Variants in ETFA observed in about 807,000 individuals in gnomAD.
The protein encoded by ETFA is electron transfer flavoprotein subunit alpha, mitochondrial.
A neutral mutation model predicts 46.2 loss-of-function variants in ETFA; 22 were observed. The observed-to-expected ratio is 0.48, with a 90% CI of 0.34 to 0.68. ETFA has a LOEUF of 0.68. ETFA is among the 30% of genes least tolerant of loss of function. ETFA has a pLI of 0.01. For missense variants in ETFA, 345 were observed against 401.1 expected (o/e 0.86, Z 1.19); for synonymous variants, 131 against 139.9 (o/e 0.94, Z 0.45).
rs546899526 is a variant in ETFA, at chr15:76,311,265, G to C, written c.39+85C>G. Reference sequence around the variant, plus strand: ...GCGCGAGGGCTGGTCGAATCTGAGGGGGCCAGTGATCTTTGCAAGACCCCA... The same window carrying C: ...GCGCGAGGGCTGGTCGAATCTGAGGCGGCCAGTGATCTTTGCAAGACCCCA... On this transcript the variant is annotated intron_variant, in intron 1 of 11. Coordinates refer to ENST00000557943, the MANE Select transcript of ETFA (RefSeq NM_000126.4). 0.025 allele frequency: 36,056 copies of C among 1,457,584 alleles called. 609 individuals carry two copies. Among genetic ancestry groups the C allele is most frequent in the South Asian group, 0.036 (2,899 of 81,576 alleles). 90.3% of individuals were successfully genotyped at this position (1,457,584 alleles called of 1,614,324 possible). A position where few individuals can be genotyped will look rare whatever the true frequency, so the allele number is the denominator to read the frequency against.
chr15:76,219,615 A>C (rs1478358043), intron 11 of ETFA, among the ~76,000 whole-genome samples: 1 of 152,256 alleles, frequency 6.6e-6, no homozygotes, highest in African/African-American at 2.4e-5. Flanking sequence ...TAAAGAATTC[A>C]CACAAGTCAA....
intron 4 of ETFA, among the ~76,000 whole-genome samples, chr15:76,288,201 T>C (rs1360940802): frequency 6.6e-6 from 1 of 152,134 alleles, no homozygotes; most frequent in Non-Finnish European, 1.5e-5. Flanking sequence ...ATGCAATATA[T>C]TGAACTATGA....
chr15:76,235,266 T>C (rs949477598), intron 9 of ETFA, among the ~76,000 whole-genome samples: 1 of 152,184 alleles, frequency 6.6e-6, no homozygotes, highest in Admixed American at 6.5e-5. Context: ...CTCAGCCCAC[T>C]AGGTGGCCAG....
intron 9 of ETFA, among the ~76,000 whole-genome samples, chr15:76,237,011 G>C (rs150237791): frequency 6.6e-6 from 1 of 152,306 alleles, no homozygotes; most frequent in East Asian, 1.9e-4. Context: ...AAAAAAGGAA[G>C]GGTATATCAG....
intron 1 of ETFA, among the ~76,000 whole-genome samples, chr15:76,304,860 T>C (rs923658580): frequency 2.2e-4 from 34 of 151,894 alleles, no homozygotes; most frequent in Non-Finnish European, 3.5e-4. Context: ...CTGGCTAACA[T>C]GGTGAAACCC....
rs573806958 is a variant in ETFA, at chr15:76,291,505, C to G, written c.351+926G>C. ...GTGGCTCACGCCTGTAATCCCAGTA[C>G]TTTGGGGGGCCGAGGCGGGCGGATC... On this transcript the variant is annotated intron_variant, in intron 4 of 11. Coordinates refer to ENST00000557943, the MANE Select transcript of ETFA (RefSeq NM_000126.4). Among the ~76,000 whole-genome samples, 767 of 143,640 alleles carry G rather than the reference C, an allele frequency of 5.3e-3. 3 individuals carry two copies. The highest frequency in any genetic ancestry group is 9.1e-3 in the Non-Finnish European group (605 of 66,732). 94.2% of individuals were successfully genotyped at this position (143,640 alleles called of 152,430 possible). A position where few individuals can be genotyped will look rare whatever the true frequency, so the allele number is the denominator to read the frequency against.
chr15:76,299,566 A>C (rs2039860791), intron 1 of ETFA, among the ~76,000 whole-genome samples: 1 of 152,120 alleles, frequency 6.6e-6, no homozygotes, highest in Non-Finnish European at 1.5e-5. Context: ...TACAGGCATG[A>C]GCCACTGTGC....
Position 76,216,279 on chromosome 15 carries a change from T to G in ETFA, c.*280A>C. ...CTTTTCTTCAATTTTCTCTAGAGGC[T>G]AGGCATATTTCTGATAGTTTTAAAG... On this transcript the variant is annotated 3_prime_UTR_variant, in exon 12 of 12. Transcript: ENST00000557943. 1 of 343,528 alleles carries G rather than the reference T, an allele frequency of 2.9e-6. No individual in the cohort carries two copies. The highest frequency in any genetic ancestry group is 5.2e-6 in the Non-Finnish European group (1 of 190,910). The allele number at this position is 343,528 out of a possible 1,614,324, so 21.3% of individuals were successfully genotyped here. A position where few individuals can be genotyped will look rare whatever the true frequency, so the allele number is the denominator to read the frequency against.
intron 9 of ETFA, among the ~76,000 whole-genome samples, chr15:76,237,204 C>T (rs1294466160): frequency 6.6e-6 from 1 of 152,114 alleles, no homozygotes; most frequent in African/African-American, 2.4e-5. Flanking sequence ...AGGAACGTGC[C>T]ACCTCGCCCG....
At chr15:76,238,192 C>G (rs2039147191) in intron 9 of ETFA, among the ~76,000 whole-genome samples, 1 of 152,080 alleles carries the variant, frequency 6.6e-6, no homozygotes, top group Non-Finnish European at 1.5e-5. Context: ...ACTTTAAACA[C>G]AGTAGAATGG....
intron 1 of ETFA, among the ~76,000 whole-genome samples, chr15:76,306,285 G>A (rs1261000882): frequency 3.8e-5 from 1 of 26,428 alleles, no homozygotes; most frequent in African/African-American, 9.4e-5. Context: ...TTTTTTTTTT[G>A]AGACAGAGTC....
rs181844839 is a variant in ETFA at position 76,263,951 on chromosome 15, G to C, written c.816+10461C>G. Among the ~76,000 whole-genome samples, 329 of 152,290 alleles carry C rather than the reference G, an allele frequency of 2.2e-3. 2 individuals are homozygous for C. Among genetic ancestry groups the C allele is most frequent in the Non-Finnish European group, 3.8e-3 (258 of 68,026 alleles). ...TCTCCCCCTTACTGGGTGAGAAAAT[G>C]AATCAGCTGAAAAACTTACTCCTCC... On this transcript the variant is annotated intron_variant, in intron 9 of 11. Transcript: ENST00000557943.
At chr15:76,221,300 T>C (rs1430015255) in intron 11 of ETFA, among the ~76,000 whole-genome samples, 2 of 152,062 alleles carry the variant, frequency 1.3e-5, no homozygotes, top group East Asian at 1.9e-4. Context: ...AGAAAGTAGA[T>C]TAGTGGTTGC....
At chr15:76,279,354 C>A (rs1468334870) in intron 8 of ETFA, among the ~76,000 whole-genome samples, 1 of 152,130 alleles carries the variant, frequency 6.6e-6, no homozygotes, top group Non-Finnish European at 1.5e-5. Context: ...CAGCTCACTG[C>A]AGCCTTAACC....
chr15:76,260,177 A>T, intron 9 of ETFA: 1 of 1,428,744 alleles, frequency 7.0e-7, no homozygotes, highest in Non-Finnish European at 9.9e-7. Context: ...GGATGAGCAC[A>T]TCCTCCAGTT....
chr15:76,260,708 GTGGATGGCA>G (rs1567206816), intron 9 of ETFA: 1 of 1,604,972 alleles, frequency 6.2e-7, no homozygotes, highest in African/African-American at 1.3e-5. Context: ...CTGAATCTGT[GTGGATGGCA>G]TGGAGGTTTT....
chr15:76,256,672 A>C (rs2039348411), intron 9 of ETFA, among the ~76,000 whole-genome samples: 1 of 152,244 alleles, frequency 6.6e-6, no homozygotes, highest in Non-Finnish European at 1.5e-5. Context: ...AAGATGAACA[A>C]GATGAGTGAT....
chr15:76,260,530 G>C, intron 9 of ETFA: 1 of 1,466,404 alleles, frequency 6.8e-7, no homozygotes, highest in Non-Finnish European at 9.5e-7. Context: ...ACACACACAC[G>C]TACGATCAGG....
intron 9 of ETFA, among the ~76,000 whole-genome samples, chr15:76,257,547 G>A (rs187323330): frequency 7.9e-5 from 12 of 152,274 alleles, no homozygotes; most frequent in African/African-American, 2.6e-4. Context: ...TGGAGAAAGA[G>A]GAACACTTTT....
Sources: allele counts gnomAD v4.1 joint callset (sites outside exome capture counted in the v4.1 genomes callset), GRCh38; gene constraint gnomAD v4.1.1; transcripts MANE v1.5; gene names NCBI Gene and HGNC (gene_info 2026-07-23, HGNC 2026-07-21).